Variants in DCLK1 observed in about 807,000 individuals in gnomAD.
DCLK1 encodes the protein serine/threonine-protein kinase DCLK1.
Under a neutral mutation model 86.2 loss-of-function variants are expected in DCLK1, and 16 were observed. The ratio of observed to expected loss-of-function variants is 0.19; its 90% CI spans 0.13 to 0.28. The LOEUF (loss-of-function observed/expected upper bound fraction) is 0.28, where lower values mean the gene tolerates loss of function less well. Among genes scored for constraint, DCLK1 ranks in the 10% least tolerant of loss-of-function variants. DCLK1 has a pLI of 1.00. For synonymous variants in DCLK1, 369 were observed against 370.5 expected (o/e 1.00, Z 0.05); for missense variants, 590 against 940.2 (o/e 0.63, Z 4.87).
intron 6 of DCLK1, among the ~76,000 whole-genome samples, chr13:35,844,746 A>G (rs974501074): frequency 2.1e-4 from 32 of 152,328 alleles, no homozygotes; most frequent in Non-Finnish European, 3.8e-4. Context: ...CTACAATTTG[A>G]AATTTTTATA....
intron 4 of DCLK1, among the ~76,000 whole-genome samples, chr13:35,946,127 C>T (rs1209233929): frequency 1.3e-5 from 2 of 152,106 alleles, no homozygotes; most frequent in Admixed American, 1.3e-4. Context: ...ATCTGTCTAT[C>T]TCAGCCTCCT....
intron 3 of DCLK1, among the ~76,000 whole-genome samples, chr13:36,018,667 A>G (rs1881633611): frequency 6.6e-6 from 1 of 152,180 alleles, no homozygotes; most frequent in Non-Finnish European, 1.5e-5. Flanking sequence ...AGATTTTCTC[A>G]TGGATAATTA....
At chr13:35,799,468 C>T (rs573751092) in intron 15 of DCLK1, among the ~76,000 whole-genome samples, 10 of 152,262 alleles carry the variant, frequency 6.6e-5, no homozygotes, top group African/African-American at 2.4e-4. Context: ...CCAGGCTGGT[C>T]TTGAACTCCC....
chr13:36,051,276 CT>C (rs1046001698), intron 3 of DCLK1, among the ~76,000 whole-genome samples: 4 of 152,206 alleles, frequency 2.6e-5, no homozygotes, highest in African/African-American at 9.6e-5. Flanking sequence ...ATCAAGGTCC[CT>C]GGAGACTCTT....
chr13:35,893,141 T>C (rs1224882353), intron 4 of DCLK1, among the ~76,000 whole-genome samples: 2 of 152,198 alleles, frequency 1.3e-5, no homozygotes, highest in Non-Finnish European at 2.9e-5. Flanking sequence ...ACCAAAGACA[T>C]CTACCCTATC....
At chr13:36,058,001 A>G (rs1458576668) in intron 3 of DCLK1, among the ~76,000 whole-genome samples, 2 of 152,176 alleles carry the variant, frequency 1.3e-5, no homozygotes, top group African/African-American at 4.8e-5. Context: ...ACTGTTTTTC[A>G]TCTTTGCACA....
At chr13:36,007,971 C>T (rs983613774) in intron 3 of DCLK1, among the ~76,000 whole-genome samples, 2 of 151,884 alleles carry the variant, frequency 1.3e-5, no homozygotes, top group Admixed American at 6.6e-5. Flanking sequence ...AAAGGCAATC[C>T]TAAGGAGTAA....
intron 3 of DCLK1, among the ~76,000 whole-genome samples, chr13:36,051,863 T>A (rs1883134701): frequency 6.6e-6 from 1 of 152,198 alleles, no homozygotes; most frequent in Non-Finnish European, 1.5e-5. Context: ...GATAGCCATC[T>A]AGAAAGCTAT....
chr13:35,948,370 A>T (rs1877494538), intron 3 of DCLK1, among the ~76,000 whole-genome samples: 1 of 152,168 alleles, frequency 6.6e-6, no homozygotes, highest in Non-Finnish European at 1.5e-5. Flanking sequence ...TGTATGAAAT[A>T]GATGTTGTAA....
At chr13:36,124,108 T>C (rs1322388474) in intron 2 of DCLK1, among the ~76,000 whole-genome samples, 1 of 152,202 alleles carries the variant, frequency 6.6e-6, no homozygotes, top group Admixed American at 6.5e-5. Flanking sequence ...CTTTGAGATC[T>C]TGCCATATTT....
chr13:36,000,955 T>TA (rs1226735462), intron 3 of DCLK1, among the ~76,000 whole-genome samples: 3 of 152,070 alleles, frequency 2.0e-5, no homozygotes, highest in Non-Finnish European at 4.4e-5. Context: ...AACTGATTTT[T>TA]TTTTTTTTTT....
At chr13:36,093,361 T>A (rs1360968639) in intron 3 of DCLK1, among the ~76,000 whole-genome samples, 1 of 152,224 alleles carries the variant, frequency 6.6e-6, no homozygotes, top group East Asian at 1.9e-4. Flanking sequence ...GTCTTGGATC[T>A]GTGAAAGGAT....
At position 35,901,611 on chromosome 13, in the gene DCLK1, G is replaced by A. The variant is rs1874373236; in HGVS notation, c.824-30271C>T. On this transcript the variant is annotated intron_variant, in intron 4 of 16. Coordinates refer to ENST00000360631, the MANE Select transcript of DCLK1 (RefSeq NM_001330071.2). ...AGAGCCAGAGGTTTGGTAGTTAAAA[G>A]TGGGGATTCTCCTGGCACTCCCTTT... 2.6e-5 allele frequency among the ~76,000 whole-genome samples: 4 copies of A among 150,944 alleles called. No homozygotes were observed. In the South Asian group the frequency reaches 8.5e-4, roughly 32 times the overall value.
chr13:35,833,305 G>A (rs984525867), intron 8 of DCLK1, among the ~76,000 whole-genome samples: 1 of 152,070 alleles, frequency 6.6e-6, no homozygotes, highest in Non-Finnish European at 1.5e-5. Context: ...TAGTCCACAC[G>A]GAGCCAGGAA....
chr13:35,863,860 T>C (rs1370684470), intron 5 of DCLK1, among the ~76,000 whole-genome samples: 2 of 152,236 alleles, frequency 1.3e-5, no homozygotes, highest in African/African-American at 4.8e-5. Flanking sequence ...ATATGTTGCA[T>C]AAAATATTTT....
intron 6 of DCLK1, 50 bp downstream of exon 6, chr13:35,854,449 G>T: frequency 1.4e-6 from 2 of 1,459,740 alleles, no homozygotes; most frequent in African/African-American, 1.4e-5. Context: ...GTACCTGTCT[G>T]CACCAAGGCT....
chr13:35,832,226 G>C (rs1438134521), intron 8 of DCLK1, among the ~76,000 whole-genome samples: 2 of 152,148 alleles, frequency 1.3e-5, no homozygotes, highest in East Asian at 3.9e-4. Context: ...CTTGAGCCCA[G>C]AACTTTGAGA....
At chr13:36,004,229 T>C (rs1880848101) in intron 3 of DCLK1, among the ~76,000 whole-genome samples, 1 of 152,220 alleles carries the variant, frequency 6.6e-6, no homozygotes, top group Non-Finnish European at 1.5e-5. Flanking sequence ...ATGATTCCAC[T>C]GTGTCTGCAT....
intron 3 of DCLK1, among the ~76,000 whole-genome samples, chr13:35,986,358 A>C (rs533807761): frequency 1.3e-5 from 2 of 150,330 alleles, no homozygotes; most frequent in South Asian, 2.1e-4. Context: ...TCCCTGGTTC[A>C]CAGAGGAGGC....
Sources: allele counts gnomAD v4.1 joint callset (sites outside exome capture counted in the v4.1 genomes callset), GRCh38; gene constraint gnomAD v4.1.1; transcripts MANE v1.5; gene names NCBI Gene and HGNC (gene_info 2026-07-23, HGNC 2026-07-21).